The following KCNQ1OT1 variants were observed in gnomAD, a reference collection of about 807,000 sequenced individuals.
KCNQ1OT1 encodes the protein KCNQ1 antisense RNA 2 (non-protein coding).
Position 2,682,276 on chromosome 11 carries a change from G to A in KCNQ1OT1, n.17719C>T. 2.5e-6 allele frequency: 1 copy of A among 398,544 alleles called. No individual in the cohort carries two copies. The highest frequency in any genetic ancestry group is 3.6e-5 in the East Asian group (1 of 28,074). 24.7% of individuals were successfully genotyped at this position (398,544 alleles called of 1,614,324 possible). On this transcript the variant is annotated non_coding_transcript_exon_variant, in exon 1 of 1. Transcript: ENST00000597346. This position sits in a 1 kb window ranked among gnomAD's most constrained non-coding sequence, Gnocchi z 5.8. ...GAGCCAATTTCTAAAGCTTAAGACT[G>A]GGCTGTAAAAAATCACATACCTCCC... is the stretch of plus-strand genomic sequence containing the variant.
At position 2,623,398 on chromosome 11, in the gene KCNQ1OT1, A is replaced by G. The variant is rs937801517; in HGVS notation, n.76597T>C. Reference sequence around the variant, plus strand: ...TATATTTGTACATTTTCACTGCCCTAAAAGTACTCTGTGCACTGCCTATTC... The same window carrying G: ...TATATTTGTACATTTTCACTGCCCTGAAAGTACTCTGTGCACTGCCTATTC... On this transcript the variant is annotated non_coding_transcript_exon_variant, in exon 1 of 1. Coordinates refer to ENST00000597346, the Ensembl canonical transcript of KCNQ1OT1. The surrounding 1 kb of genome is among the most constrained non-coding windows in gnomAD (Gnocchi z 5.2). 1.5e-5 allele frequency: 6 copies of G among 398,484 alleles called. No individual in the cohort carries two copies. Among genetic ancestry groups the G allele is most frequent in the African/African-American group, 1.2e-4 (6 of 48,620 alleles). The allele number at this position is 398,484 out of a possible 1,614,324, so 24.7% of individuals were successfully genotyped here. A position where few individuals can be genotyped will look rare whatever the true frequency, so the allele number is the denominator to read the frequency against.
exon 1 of KCNQ1OT1, chr11:2,618,274 T>C (rs183921189): frequency 2.5e-6 from 1 of 398,488 alleles, no homozygotes; most frequent in Admixed American, 4.4e-5. Context: ...AGGCCACACA[T>C]AAAATACACT....
Position 2,664,183 on chromosome 11 carries a change from C to A in KCNQ1OT1, n.35812G>T. 7.5e-6 allele frequency: 3 copies of A among 398,724 alleles called. No homozygotes were observed. Among genetic ancestry groups the A allele is most frequent in the Non-Finnish European group, 8.8e-6 (2 of 226,188 alleles). The allele number at this position is 398,724 out of a possible 1,614,324, so 24.7% of individuals were successfully genotyped here. ...TCCAAAAGTGGCTGCTAGATATGAGCCAGCCTGGGAAGGCAGGAAGGAGCC... is the reference window on the plus strand; with the variant it reads ...TCCAAAAGTGGCTGCTAGATATGAGACAGCCTGGGAAGGCAGGAAGGAGCC... On this transcript the variant is annotated non_coding_transcript_exon_variant, in exon 1 of 1. Coordinates refer to ENST00000597346, the Ensembl canonical transcript of KCNQ1OT1. The surrounding 1 kb of genome is among the most constrained non-coding windows in gnomAD (Gnocchi z 5.1).
chr11:2,616,713 C>G, exon 1 of KCNQ1OT1: 3 of 398,024 alleles, frequency 7.5e-6, no homozygotes, highest in Non-Finnish European at 1.3e-5. Flanking sequence ...TCTTCTGTTA[C>G]AGATTTCTGG....
At chr11:2,640,376 C>A (rs1337520762) in exon 1 of KCNQ1OT1, 4 of 398,516 alleles carry the variant, frequency 1.0e-5, no homozygotes, top group Non-Finnish European at 8.8e-6. Flanking sequence ...ATCTTTAACT[C>A]CCAGGCTCAA....
chr11:2,643,482 G>C (rs576675396), exon 1 of KCNQ1OT1: 2 of 398,266 alleles, frequency 5.0e-6, no homozygotes, highest in South Asian at 2.5e-4. Flanking sequence ...CTCCTGTTTG[G>C]TTTTTGTTTC....
In KCNQ1OT1 at chr11:2,679,054, C is replaced by A. The variant is rs1445107594; in HGVS notation, n.20941G>T. 1 of 398,608 alleles carries A rather than the reference C, an allele frequency of 2.5e-6. No homozygotes were observed. The highest frequency in any genetic ancestry group is 4.4e-6 in the Non-Finnish European group (1 of 226,064). 24.7% of individuals were successfully genotyped at this position (398,608 alleles called of 1,614,324 possible). A position where few individuals can be genotyped will look rare whatever the true frequency, so the allele number is the denominator to read the frequency against. The stretch of plus-strand genomic sequence containing the variant: ...AGCCCAGCCCCTCCTCCATACCAAC[C>A]ACCAAAAAAACCCACTAACACCATA... On this transcript the variant is annotated non_coding_transcript_exon_variant, in exon 1 of 1. Coordinates refer to ENST00000597346, the Ensembl canonical transcript of KCNQ1OT1. This position sits in a 1 kb window ranked among gnomAD's most constrained non-coding sequence, Gnocchi z 4.8.
chr11:2,683,966 T>TTC lies in KCNQ1OT1; in HGVS notation n.16028_16029insGA, dbSNP rs927164599. On this transcript the variant is annotated non_coding_transcript_exon_variant, in exon 1 of 1. Coordinates refer to ENST00000597346, the Ensembl canonical transcript of KCNQ1OT1. The surrounding 1 kb of genome is among the most constrained non-coding windows in gnomAD (Gnocchi z 4.7). ...AACCAGCTGACTGCTTTTACTTTTT[T>TTC]TTTTTTTTCATTTAGAAGAATTTCC... 1.3e-4 allele frequency: 52 copies of TTC among 398,396 alleles called. No individual in the cohort carries two copies. Among genetic ancestry groups the TTC allele is most frequent in the Middle Eastern group, 6.2e-4 (1 of 1,610 alleles). The allele number at this position is 398,396 out of a possible 1,614,324, so 24.7% of individuals were successfully genotyped here. A position where few individuals can be genotyped will look rare whatever the true frequency, so the allele number is the denominator to read the frequency against.
At chr11:2,685,864 C>T in exon 1 of KCNQ1OT1, 1 of 398,776 alleles carries the variant, frequency 2.5e-6, no homozygotes, top group Non-Finnish European at 4.4e-6. Context: ...TCACCCAGGA[C>T]TCAGACCACA....
At chr11:2,609,487 A>G (rs1848940880) in exon 1 of KCNQ1OT1, 1 of 398,252 alleles carries the variant, frequency 2.5e-6, no homozygotes, top group Non-Finnish European at 4.4e-6. Flanking sequence ...AAAATACTGT[A>G]TATTCAATGT....
Position 2,611,792 on chromosome 11 carries a change from T to C in KCNQ1OT1, n.88203A>G. 2.5e-6 allele frequency: 1 copy of C among 398,506 alleles called. No homozygotes were observed. 24.7% of individuals were successfully genotyped at this position (398,506 alleles called of 1,614,324 possible). Reference sequence around the variant, plus strand: ...TCTCATATCACTTTTGTTCCTCTCTTCCTCCTTTACTGCCTTCTGCAGGTT... The same window carrying C: ...TCTCATATCACTTTTGTTCCTCTCTCCCTCCTTTACTGCCTTCTGCAGGTT... On this transcript the variant is annotated non_coding_transcript_exon_variant, in exon 1 of 1. Coordinates refer to ENST00000597346, the Ensembl canonical transcript of KCNQ1OT1. The surrounding 1 kb of genome is among the most constrained non-coding windows in gnomAD (Gnocchi z 5.3).
chr11:2,687,674 G>A lies in KCNQ1OT1; in HGVS notation n.12321C>T, dbSNP rs913197172. 1.5e-5 allele frequency: 6 copies of A among 398,574 alleles called. No individual in the cohort carries two copies. The Admixed American group carries it at 1.8e-4, about 12-fold the overall frequency. 24.7% of individuals were successfully genotyped at this position (398,574 alleles called of 1,614,324 possible). A position where few individuals can be genotyped will look rare whatever the true frequency, so the allele number is the denominator to read the frequency against. ...ACCTGTCCTTGCCAGCCAGGTCTCA[G>A]GGAGCTCAGGGTTCAGTGTTGGAAT... On this transcript the variant is annotated non_coding_transcript_exon_variant, in exon 1 of 1. Transcript: ENST00000597346. The surrounding 1 kb of genome is among the most constrained non-coding windows in gnomAD (Gnocchi z 5.0).
In KCNQ1OT1 at chr11:2,627,053, A is replaced by G; in HGVS notation, n.72942T>C. ...ACAATATTGGCCTTCCAATCCATGA[A>G]CATAGGAGGTGTTTTCCCTTTATGT... On this transcript the variant is annotated non_coding_transcript_exon_variant, in exon 1 of 1. Coordinates refer to ENST00000597346, the Ensembl canonical transcript of KCNQ1OT1. The surrounding 1 kb of genome is among the most constrained non-coding windows in gnomAD (Gnocchi z 4.9). The G allele has an allele frequency of 2.5e-6, 1 of 398,576 alleles. No homozygotes were observed. Among genetic ancestry groups the G allele is most frequent in the Non-Finnish European group, 4.4e-6 (1 of 226,066 alleles). 24.7% of individuals were successfully genotyped at this position (398,576 alleles called of 1,614,324 possible). A position where few individuals can be genotyped will look rare whatever the true frequency, so the allele number is the denominator to read the frequency against.
At position 2,659,932 on chromosome 11, in the gene KCNQ1OT1, G is replaced by A. The variant is rs1849921343; in HGVS notation, n.40063C>T. ...GTTGTAAGCATTCTTTATATATTCT[G>A]AGTGCAAGTCCTTGACCTGATAGGT... On this transcript the variant is annotated non_coding_transcript_exon_variant, in exon 1 of 1. Transcript: ENST00000597346. The surrounding 1 kb of genome is among the most constrained non-coding windows in gnomAD (Gnocchi z 4.3). The A allele has an allele frequency of 5.0e-6, 2 of 398,220 alleles. No homozygotes were observed. Among genetic ancestry groups the A allele is most frequent in the South Asian group, 1.3e-4 (1 of 7,848 alleles). The allele number at this position is 398,220 out of a possible 1,614,324, so 24.7% of individuals were successfully genotyped here.
Position 2,669,336 on chromosome 11 carries a change from C to T in KCNQ1OT1, n.30659G>A. 2.5e-6 allele frequency: 1 copy of T among 398,646 alleles called. No homozygotes were observed. 24.7% of individuals were successfully genotyped at this position (398,646 alleles called of 1,614,324 possible). A position where few individuals can be genotyped will look rare whatever the true frequency, so the allele number is the denominator to read the frequency against. On this transcript the variant is annotated non_coding_transcript_exon_variant, in exon 1 of 1. Transcript: ENST00000597346. This position sits in a 1 kb window ranked among gnomAD's most constrained non-coding sequence, Gnocchi z 5.6. ...CATGGAAAGCCTCCTCTAGGCGCAG[C>T]AGCCTCTAGATGGGCATGGGAGAAT...
exon 1 of KCNQ1OT1, chr11:2,644,829 G>A (rs545781088): frequency 2.5e-6 from 1 of 398,684 alleles, no homozygotes; most frequent in South Asian, 1.3e-4. Context: ...CACCAGTAGT[G>A]TCTGGGAGTT....
At position 2,698,783 on chromosome 11, in the gene KCNQ1OT1, G is replaced by C. The variant is rs2133901032; in HGVS notation, n.1212C>G. 2.5e-6 allele frequency: 1 copy of C among 398,670 alleles called. No homozygotes were observed. The highest frequency in any genetic ancestry group is 1.3e-4 in the South Asian group (1 of 7,840). 24.7% of individuals were successfully genotyped at this position (398,670 alleles called of 1,614,324 possible). On this transcript the variant is annotated non_coding_transcript_exon_variant, in exon 1 of 1. Transcript: ENST00000597346. This position sits in a 1 kb window ranked among gnomAD's most constrained non-coding sequence, Gnocchi z 5.1. ...GATGCAGACTCCAGACCGGGATTCA[G>C]GTCCCCAACTCAGACTCCCGATCCT... is the stretch of plus-strand genomic sequence containing the variant.
rs1850708519 is a variant in KCNQ1OT1, at chr11:2,698,083, C to T, written n.1912G>A. On this transcript the variant is annotated non_coding_transcript_exon_variant, in exon 1 of 1. Coordinates refer to ENST00000597346, the Ensembl canonical transcript of KCNQ1OT1. This position sits in a 1 kb window ranked among gnomAD's most constrained non-coding sequence, Gnocchi z 5.1. ...CTGCCTGCCTGCTTTCCTTCAAGTA[C>T]TGACTGAGTAAGGCTGTGTATCAGG... is the stretch of plus-strand genomic sequence containing the variant. 2.5e-5 allele frequency: 10 copies of T among 398,518 alleles called. No homozygotes were observed. Among genetic ancestry groups the T allele is most frequent in the Non-Finnish European group, 4.4e-5 (10 of 226,076 alleles). The allele number at this position is 398,518 out of a possible 1,614,324, so 24.7% of individuals were successfully genotyped here. A position where few individuals can be genotyped will look rare whatever the true frequency, so the allele number is the denominator to read the frequency against.
At chr11:2,641,848 A>T (rs1194286370) in exon 1 of KCNQ1OT1, 3 of 398,300 alleles carry the variant, frequency 7.5e-6, no homozygotes. Context: ...CATTTTTCAC[A>T]TGGATATCTT....
Sources: allele counts gnomAD v4.1 joint callset, GRCh38; gene constraint gnomAD v4.1.1; non-coding constraint Gnocchi (gnomAD v3.1); transcripts MANE v1.5; gene names NCBI Gene and HGNC (gene_info 2026-07-23, HGNC 2026-07-21).